Variants in COL26A1 observed in about 807,000 individuals in gnomAD.
COL26A1 encodes collagen type XXVI alpha 1 chain.
In COL26A1, 41 loss-of-function variants were observed where a neutral mutation model predicts 59.3. That is an observed-to-expected ratio of 0.69 (90% confidence interval 0.54 to 0.90). The LOEUF is 0.90. COL26A1 is among the 40% of genes least tolerant of loss of function. The pLI is 0.00. For synonymous variants in COL26A1, 266 were observed against 256.0 expected (o/e 1.04, Z -0.37); for missense variants, 612 against 602.3 (o/e 1.02, Z -0.17).
intron 1 of COL26A1, among the ~76,000 whole-genome samples, chr7:101,373,151 A>G (rs778146633): frequency 1.5e-4 from 23 of 152,120 alleles, no homozygotes; most frequent in Non-Finnish European, 2.9e-4. Context: ...CAGAGGAAGG[A>G]TAGTGGAAGG....
chr7:101,555,275 G>T (rs1039950929), intron 11 of COL26A1, among the ~76,000 whole-genome samples: 1 of 152,158 alleles, frequency 6.6e-6, no homozygotes, highest in African/African-American at 2.4e-5. Flanking sequence ...TGAAATGGTG[G>T]CTTTCTCTGC....
At chr7:101,481,201 G>T (rs947059138) in intron 3 of COL26A1, among the ~76,000 whole-genome samples, 1 of 152,030 alleles carries the variant, frequency 6.6e-6, no homozygotes, top group Non-Finnish European at 1.5e-5. Flanking sequence ...TTCATGGAAG[G>T]TTGTCATTCC....
intron 6 of COL26A1, 24 bp downstream of exon 6, chr7:101,544,120 G>A: frequency 6.4e-7 from 1 of 1,558,252 alleles, no homozygotes; most frequent in Non-Finnish European, 8.7e-7. Flanking sequence ...CCACATATGT[G>A]ATGTTGTCAA....
intron 1 of COL26A1, among the ~76,000 whole-genome samples, chr7:101,388,545 GC>G (rs1326682442): frequency 6.6e-6 from 1 of 151,056 alleles, no homozygotes; most frequent in East Asian, 2.0e-4. Context: ...TCCTCCCCTG[GC>G]CCCTGGCAAT....
chr7:101,405,506 T>C (rs575543833), intron 1 of COL26A1, among the ~76,000 whole-genome samples: 8 of 152,156 alleles, frequency 5.3e-5, no homozygotes, highest in South Asian at 2.1e-4. Flanking sequence ...AATTTTTTTT[T>C]CCCCAAATGC....
chr7:101,520,469 G>T (rs1400521502), intron 3 of COL26A1, among the ~76,000 whole-genome samples: 1 of 152,082 alleles, frequency 6.6e-6, no homozygotes, highest in Non-Finnish European at 1.5e-5. Context: ...AGAATTGCTT[G>T]CGGCCAGGAG....
chr7:101,444,686 A>G (rs1002135631), intron 2 of COL26A1, among the ~76,000 whole-genome samples: 6 of 151,824 alleles, frequency 4.0e-5, no homozygotes, highest in Non-Finnish European at 7.4e-5. Flanking sequence ...AAGTGCTGGA[A>G]TTACACGCGT....
chr7:101,493,582 G>A (rs1474868268), intron 3 of COL26A1, among the ~76,000 whole-genome samples: 3 of 151,930 alleles, frequency 2.0e-5, no homozygotes, highest in Non-Finnish European at 2.9e-5. Flanking sequence ...GAGCTATGAG[G>A]ATTATCAATG....
intron 1 of COL26A1, among the ~76,000 whole-genome samples, chr7:101,391,195 G>C (rs1488055483): frequency 1.3e-5 from 2 of 152,232 alleles, no homozygotes; most frequent in African/African-American, 2.4e-5. Context: ...CTGGGGGCAA[G>C]GCAGGAGTTT....
Position 101,547,229 on chromosome 7 carries a change from TGGTCCACCA to T in COL26A1, c.934_940+2del, listed in dbSNP as rs745676906. Reference sequence around the variant, plus strand: ...GTGTCCCAGGACCCCGGGGTCCCCCTGGTCCACCAGGTAAGTGAATGGTGGGCTGGCCTG... The same window carrying T: ...GTGTCCCAGGACCCCGGGGTCCCCCTGGTAAGTGAATGGTGGGCTGGCCTG... On this transcript the variant is annotated inframe_deletion and splice_region_variant, in exon 8 of 13. Transcript: ENST00000313669. The T allele has an allele frequency of 6.3e-7, 1 of 1,578,752 alleles. No individual in the cohort carries two copies.
chr7:101,440,000 A>C (rs911436032), intron 2 of COL26A1, among the ~76,000 whole-genome samples: 2 of 152,104 alleles, frequency 1.3e-5, no homozygotes, highest in African/African-American at 4.8e-5. Flanking sequence ...CTTAAGGCTG[A>C]CAGAGGTTAA....
intron 1 of COL26A1, among the ~76,000 whole-genome samples, chr7:101,417,375 C>CTT (rs71106526): frequency 2.4e-4 from 34 of 139,128 alleles, no homozygotes; most frequent in South Asian, 4.5e-4. Flanking sequence ...AGGTCACAAG[C>CTT]TTTTTTTTTT....
At chr7:101,462,703 A>G (rs1323257490) in intron 3 of COL26A1, among the ~76,000 whole-genome samples, 1 of 151,476 alleles carries the variant, frequency 6.6e-6, no homozygotes, top group Non-Finnish European at 1.5e-5. Flanking sequence ...GTTTACTGGG[A>G]CCCCCATGCT....
intron 3 of COL26A1, among the ~76,000 whole-genome samples, chr7:101,519,426 T>G (rs981662052): frequency 6.6e-6 from 1 of 152,132 alleles, no homozygotes. Flanking sequence ...TCATTCCACC[T>G]CAGCCTCTCC....
intron 3 of COL26A1, among the ~76,000 whole-genome samples, chr7:101,473,542 A>T (rs142474033): frequency 2.0e-3 from 298 of 150,810 alleles, no homozygotes; most frequent in South Asian, 0.012. Flanking sequence ...TGGGAGGCTG[A>T]GGCAGGAGAA....
rs532833273 is a variant in COL26A1 at position 101,489,739 on chromosome 7, C to G, written c.385+41952C>G. ...ATTCTTTCTTTCTCTCTCTCTTTCT[C>G]TCTTTCTTTCTTGTCTCTCTTTCTT... is the stretch of plus-strand genomic sequence containing the variant. On this transcript the variant is annotated intron_variant, in intron 3 of 12. Transcript: ENST00000313669. Among the ~76,000 whole-genome samples the G allele has an allele frequency of 1.3e-3, 64 of 50,490 alleles. 11 individuals are homozygous for G. Among genetic ancestry groups the G allele is most frequent in the Non-Finnish European group, 1.7e-3 (47 of 28,090 alleles). The allele number at this position is 50,490 out of a possible 152,430, so 33.1% of individuals were successfully genotyped here.
At chr7:101,432,360 C>G (rs1167362695) in intron 2 of COL26A1, among the ~76,000 whole-genome samples, 2 of 152,076 alleles carry the variant, frequency 1.3e-5, no homozygotes, top group African/African-American at 4.8e-5. Context: ...TATCTGAGGA[C>G]ATGAAGAGGA....
intron 1 of COL26A1, among the ~76,000 whole-genome samples, chr7:101,367,930 G>A (rs1056719214): frequency 2.0e-5 from 3 of 152,136 alleles, no homozygotes; most frequent in African/African-American, 7.2e-5. Flanking sequence ...GCTTTATTCT[G>A]GAAAGCTGGG....
chr7:101,541,362 T>C (rs1795614375), intron 5 of COL26A1, among the ~76,000 whole-genome samples: 1 of 152,204 alleles, frequency 6.6e-6, no homozygotes, highest in African/African-American at 2.4e-5. Flanking sequence ...TATTTTATTT[T>C]GAGACAATGT....
Sources: gnomAD v4.1 joint callset for allele counts (sites outside exome capture counted in the v4.1 genomes callset) on GRCh38, gnomAD v4.1.1 for gene constraint, MANE v1.5 for transcripts, NCBI Gene and HGNC (gene_info 2026-07-23, HGNC 2026-07-21) for gene names.